Variants in AGFG2 observed in about 807,000 individuals in gnomAD.
AGFG2 encodes ArfGAP with FG repeats 2, also known as arf-GAP domain and FG repeat-containing protein 2.
Under a neutral mutation model 48.0 loss-of-function variants are expected in AGFG2, and 31 were observed. The ratio of observed to expected loss-of-function variants is 0.65; its 90% CI spans 0.49 to 0.87. The LOEUF (loss-of-function observed/expected upper bound fraction) is 0.87, where lower values mean the gene tolerates loss of function less well. Among genes scored for constraint, AGFG2 ranks in the 40% least tolerant of loss-of-function variants. AGFG2 has a pLI of 0.00. For missense variants in AGFG2, 599 were observed against 632.6 expected (o/e 0.95, Z 0.57); for synonymous variants, 229 against 260.8 (o/e 0.88, Z 1.18).
intron 11 of AGFG2, among the ~76,000 whole-genome samples, chr7:100,564,701 C>T (rs1342087068): frequency 2.0e-5 from 3 of 152,120 alleles, no homozygotes; most frequent in African/African-American, 7.2e-5. Flanking sequence ...ATAGGGTTTT[C>T]CCGTGTTGGC....
At position 100,539,335 on chromosome 7, in the gene AGFG2, G is replaced by C. The variant is rs1047192617; in HGVS notation, c.-12G>C. ...GGGTGATTGCTGACTAGCGGGGAGG[G>C]AGTGGGCAGCGATGGTGATGGCGGC... On this transcript the variant is annotated 5_prime_UTR_variant, in exon 1 of 12. Transcript: ENST00000300176. 7.9e-6 allele frequency: 10 copies of C among 1,272,552 alleles called. No homozygotes were observed. The highest frequency in any genetic ancestry group is 9.0e-6 in the Non-Finnish European group (9 of 1,005,386). 78.8% of individuals were successfully genotyped at this position (1,272,552 alleles called of 1,614,324 possible).
At chr7:100,546,099 C>T (rs1242722357) in intron 1 of AGFG2, among the ~76,000 whole-genome samples, 1 of 152,104 alleles carries the variant, frequency 6.6e-6, no homozygotes, top group Non-Finnish European at 1.5e-5. Context: ...ATTCATTTGG[C>T]CCAAAGCACC....
chr7:100,553,174 G>A (rs573989621), intron 3 of AGFG2, among the ~76,000 whole-genome samples, 173 bp from the exon 4 acceptor site: 1 of 152,226 alleles, frequency 6.6e-6, no homozygotes, highest in East Asian at 1.9e-4. Context: ...GATGTTCAAG[G>A]GGATGCTCAA....
chr7:100,550,305 CAAAAAAAA>C (rs61255061), intron 2 of AGFG2, 83 bp from the exon 3 acceptor site: 23 of 297,522 alleles, frequency 7.7e-5, no homozygotes, highest in African/African-American at 2.7e-4. Context: ...GACTCCGTCT[CAAAAAAAA>C]AAAAAAAAAA....
At chr7:100,553,216 C>G in intron 3 of AGFG2, 131 bp from the exon 4 acceptor site, 2 of 1,186,524 alleles carry the variant, frequency 1.7e-6, no homozygotes, top group Admixed American at 4.1e-5. Flanking sequence ...TTGCTCGGTT[C>G]CCTTCAAAAA....
At chr7:100,539,904 G>A (rs1031555190) in intron 1 of AGFG2, among the ~76,000 whole-genome samples, 2 of 152,070 alleles carry the variant, frequency 1.3e-5, no homozygotes, top group Non-Finnish European at 2.9e-5. Context: ...GGAACTCGGA[G>A]TGGGATGGGG....
Position 100,562,971 on chromosome 7 carries a change from T to C in AGFG2, c.1171+25T>C. The stretch of plus-strand genomic sequence containing the variant: ...GGTAAGCCTCCAGCATGGTCCCTTG[T>C]CCTGACCATCTGAGACTTCCAAGGC... On this transcript the variant is annotated intron_variant, in intron 9 of 11. Coordinates refer to ENST00000300176, the MANE Select transcript of AGFG2 (RefSeq NM_006076.5). The surrounding 1 kb of genome is among the most constrained non-coding windows in gnomAD (Gnocchi z 5.4). 1.3e-6 allele frequency: 2 copies of C among 1,596,308 alleles called. No homozygotes were observed. Among genetic ancestry groups the C allele is most frequent in the Non-Finnish European group, 1.7e-6 (2 of 1,165,412 alleles).
chr7:100,560,885 C>A (rs1261024512), intron 6 of AGFG2, among the ~76,000 whole-genome samples: 8 of 143,790 alleles, frequency 5.6e-5, no homozygotes, highest in Non-Finnish European at 9.0e-5. Flanking sequence ...GATCTCGGCT[C>A]ACTGCAAACT....
In AGFG2 at chr7:100,562,788, A is replaced by G. The variant is rs1800906675; in HGVS notation, c.1088-75A>G. On this transcript the variant is annotated intron_variant, in intron 8 of 11. Coordinates refer to ENST00000300176, the MANE Select transcript of AGFG2 (RefSeq NM_006076.5). The surrounding 1 kb of genome is among the most constrained non-coding windows in gnomAD (Gnocchi z 5.4). ...GAGAGATTGAGAGGAATGCTCAGGC[A>G]TCACAGGATGAAGCACGTGAGAAAA... 3.1e-6 allele frequency: 5 copies of G among 1,596,920 alleles called. No homozygotes were observed. In the South Asian group the frequency reaches 4.4e-5, roughly 14 times the overall value.
intron 1 of AGFG2, among the ~76,000 whole-genome samples, chr7:100,540,353 T>C (rs1800399901): frequency 6.6e-6 from 1 of 152,184 alleles, no homozygotes; most frequent in African/African-American, 2.4e-5. Flanking sequence ...TGAAGGTTAA[T>C]CATTTACACC....
chr7:100,545,766 C>A (rs1016840875), intron 1 of AGFG2, among the ~76,000 whole-genome samples: 10 of 152,208 alleles, frequency 6.6e-5, no homozygotes, highest in Non-Finnish European at 1.3e-4. Context: ...CAGTGACTCA[C>A]ATCTGGTCCG....
Position 100,539,547 on chromosome 7 carries a change from C to A in AGFG2, c.201C>A (p.Cys67Ter). 7.9e-7 allele frequency: 1 copy of A among 1,261,708 alleles called. No individual in the cohort carries two copies. The highest frequency in any genetic ancestry group is 3.3e-5 in the South Asian group (1 of 30,064). 78.2% of individuals were successfully genotyped at this position (1,261,708 alleles called of 1,614,324 possible). Residue 67 changes from cysteine to a stop codon, truncating the protein, a stop_gained, in exon 1 of 12, where the codon TGC (cysteine) becomes TGA (stop). Transcript: ENST00000300176. LOFTEE classifies it high-confidence loss of function. Reference protein sequence around the residue: ...YVDITVGSFVCTTCSGLLRGL... With the variant: ...YVDITVGSFV ...ATATCACCGTGGGCAGCTTCGTGTG[C>A]ACCACCTGCTCCGGCCTCCTGTGAG...
rs1381000039 is a variant in AGFG2, at chr7:100,565,930, C to G, written c.*939C>G. The G allele has an allele frequency of 6.8e-6, 1 of 147,530 alleles. No individual in the cohort carries two copies. The highest frequency in any genetic ancestry group is 1.5e-5 in the Non-Finnish European group (1 of 67,328). 9.1% of individuals were successfully genotyped at this position (147,530 alleles called of 1,614,324 possible). On this transcript the variant is annotated 3_prime_UTR_variant, in exon 12 of 12. Coordinates refer to ENST00000300176, the MANE Select transcript of AGFG2 (RefSeq NM_006076.5). ...TTTTCTCCATGTGCCTCCCTGTCCC[C>G]AAATCTCTGCACCAAAGCTCATTGC...
chr7:100,563,081 C>T (rs936590882), intron 9 of AGFG2, 135 bp downstream of exon 9: 35 of 886,862 alleles, frequency 3.9e-5, no homozygotes, highest in Non-Finnish European at 5.1e-5. Flanking sequence ...CCTGCCCACA[C>T]GGTGCCAGGC....
chr7:100,559,183 C>A (rs1055176584), intron 6 of AGFG2, among the ~76,000 whole-genome samples: 5 of 152,056 alleles, frequency 3.3e-5, no homozygotes, highest in African/African-American at 1.2e-4. Context: ...GGAACATTTC[C>A]GAGGATCCTG....
chr7:100,553,902 T>C (rs1389210258), intron 4 of AGFG2, among the ~76,000 whole-genome samples, 191 bp from the exon 5 acceptor site: 5 of 152,136 alleles, frequency 3.3e-5, no homozygotes, highest in Non-Finnish European at 7.4e-5. Flanking sequence ...GCAGGTGTAC[T>C]GAGAAGATGA....
Position 100,548,817 on chromosome 7 carries a change from C to A in AGFG2, c.222-5C>A. 6.2e-7 allele frequency: 1 copy of A among 1,606,676 alleles called. No homozygotes were observed. Among genetic ancestry groups the A allele is most frequent in the Non-Finnish European group, 8.5e-7 (1 of 1,173,468 alleles). On this transcript the variant is annotated splice_polypyrimidine_tract_variant and splice_region_variant and intron_variant, in intron 1 of 11. Coordinates refer to ENST00000300176, the MANE Select transcript of AGFG2 (RefSeq NM_006076.5). Reference sequence around the variant, plus strand: ...CTTCTCTTTCTTCCTGTTTCTCTCCCATAGGAGAGGGCTGAACCCCCCTCA... The same window carrying A: ...CTTCTCTTTCTTCCTGTTTCTCTCCAATAGGAGAGGGCTGAACCCCCCTCA...
At position 100,566,990 on chromosome 7, in the gene AGFG2, C is replaced by G. The variant is rs2131131077; in HGVS notation, c.*1999C>G. On this transcript the variant is annotated 3_prime_UTR_variant, in exon 12 of 12. Coordinates refer to ENST00000300176, the MANE Select transcript of AGFG2 (RefSeq NM_006076.5). ...GGAGCGCCGAGGTTTGGAACTGAGG[C>G]TAAACCGAAGGGCTTTCTCCTGCTT... 1 of 152,730 alleles carries G rather than the reference C, an allele frequency of 6.5e-6. No individual in the cohort carries two copies. Among genetic ancestry groups the G allele is most frequent in the East Asian group, 1.9e-4 (1 of 5,184 alleles). 9.5% of individuals were successfully genotyped at this position (152,730 alleles called of 1,614,324 possible).
chr7:100,556,870 C>T (rs917055978), intron 6 of AGFG2, among the ~76,000 whole-genome samples: 4 of 152,078 alleles, frequency 2.6e-5, no homozygotes, highest in African/African-American at 9.7e-5. Context: ...TTTATTTTAT[C>T]GTTTTGGAGG....
Sources: gnomAD v4.1 joint callset for allele counts (sites outside exome capture counted in the v4.1 genomes callset) on GRCh38, gnomAD v4.1.1 for gene constraint, Gnocchi (gnomAD v3.1) non-coding constraint, MANE v1.5 for transcripts, NCBI Gene and HGNC (gene_info 2026-07-23, HGNC 2026-07-21) for gene names.